The following UCHL5 variants were observed in gnomAD, a reference collection of about 807,000 sequenced individuals.
The protein encoded by UCHL5 is ubiquitin carboxyl-terminal hydrolase isozyme L5.
A neutral mutation model predicts 53.8 loss-of-function variants in UCHL5; 34 were observed. The ratio of observed to expected loss-of-function variants is 0.63; its 90% CI spans 0.48 to 0.84. The LOEUF is 0.84. Among genes scored for constraint, UCHL5 ranks in the 40% least tolerant of loss-of-function variants. The pLI is 0.00. For missense variants in UCHL5, 290 were observed against 385.6 expected (o/e 0.75, Z 2.08); for synonymous variants, 111 against 126.3 (o/e 0.88, Z 0.81).
In UCHL5 at chr1:193,047,546, T is replaced by C. The variant is rs141118734; in HGVS notation, c.246+2200A>G. On this transcript the variant is annotated intron_variant, in intron 3 of 10. Coordinates refer to ENST00000367454, the MANE Select transcript of UCHL5 (RefSeq NM_001199261.3). ...AGAAAAAAGAAAACAAGTTACTTAG[T>C]AGCAAAAGCTTTATCTCAAGGGCAG... 3.2e-3 allele frequency among the ~76,000 whole-genome samples: 482 copies of C among 152,274 alleles called. 1 individual carries two copies. The highest frequency in any genetic ancestry group is 9.1e-3 in the African/African-American group (380 of 41,568).
rs981366613 is a variant in UCHL5, at chr1:193,050,799, T to C, written c.141-948A>G. ...CCTATCTTTTTATTTGATTCAATTT[T>C]ATTTTAGACATGGGGTCTCACTATG... On this transcript the variant is annotated intron_variant, in intron 2 of 10. Coordinates refer to ENST00000367454, the MANE Select transcript of UCHL5 (RefSeq NM_001199261.3). 2.0e-5 allele frequency among the ~76,000 whole-genome samples: 3 copies of C among 152,082 alleles called. No homozygotes were observed. In the East Asian group the frequency reaches 5.8e-4, roughly 29 times the overall value.
intron 3 of UCHL5, 108 bp downstream of exon 3, chr1:193,049,638 G>A: frequency 2.8e-6 from 2 of 725,106 alleles, no homozygotes; most frequent in East Asian, 2.8e-5. Flanking sequence ...ATTTTTAAGA[G>A]TGTAAGAGTT....
chr1:193,028,104 T>C lies in UCHL5; in HGVS notation c.610A>G (p.Ile204Val). The change falls in exon 7 of 11, where the codon ATA becomes GTA. Residue 204 changes from isoleucine (I) to valine (V), a missense_variant. Ile to Val is a conservative substitution (Grantham distance 29, BLOSUM62 3). Transcript: ENST00000367454. ...DDWISAVRPV[I>V]EKRIQKYSEG... ...ATTTACTTTTGTATCCTTTTTTCTA[T>C]GACAGGCCTTACTGCACTGATCCAA... The C allele has an allele frequency of 2.5e-6, 4 of 1,608,828 alleles. No individual in the cohort carries two copies. The highest frequency in any genetic ancestry group is 3.4e-6 in the Non-Finnish European group (4 of 1,178,774).
intron 3 of UCHL5, among the ~76,000 whole-genome samples, chr1:193,031,298 C>T (rs1417149315): frequency 1.3e-5 from 2 of 152,106 alleles, no homozygotes; most frequent in East Asian, 3.8e-4. Context: ...CTTTCAAAAT[C>T]AAGACACCTT....
intron 2 of UCHL5, 42 bp downstream of exon 2, chr1:193,051,712 G>C: frequency 8.4e-7 from 1 of 1,195,750 alleles, no homozygotes; most frequent in African/African-American, 1.6e-5. Flanking sequence ...GTTTGTTAAA[G>C]TATATATATA....
intron 10 of UCHL5, chr1:193,020,432 G>T: frequency 6.5e-7 from 1 of 1,545,070 alleles, no homozygotes; most frequent in Non-Finnish European, 8.7e-7. Context: ...ACTTATTAAA[G>T]AATCCTTCCC....
At position 193,022,916 on chromosome 1, in the gene UCHL5, A is replaced by G; in HGVS notation, c.843+10T>C. The G allele has an allele frequency of 6.3e-7, 1 of 1,584,358 alleles. No homozygotes were observed. Among genetic ancestry groups the G allele is most frequent in the Non-Finnish European group, 8.7e-7 (1 of 1,154,534 alleles). ...TAAAACATTAAAGGAACACATTTTT[A>G]AAAACATACCTTGTATCTTTTTAAT... On this transcript the variant is annotated intron_variant, in intron 9 of 10. Coordinates refer to ENST00000367454, the MANE Select transcript of UCHL5 (RefSeq NM_001199261.3).
intron 1 of UCHL5, among the ~76,000 whole-genome samples, chr1:193,052,557 C>A (rs1440786292): frequency 6.6e-6 from 1 of 152,174 alleles, no homozygotes; most frequent in Non-Finnish European, 1.5e-5. Context: ...TCTGCTCTAG[C>A]GTACAGTAGT....
At chr1:193,029,085 T>C (rs1660408850) in intron 6 of UCHL5, 94 bp downstream of exon 6, 2 of 1,464,680 alleles carry the variant, frequency 1.4e-6, no homozygotes, top group East Asian at 2.3e-5. Context: ...TAGTCACTTT[T>C]ACCTTGAAAA....
At chr1:193,055,567 A>G (rs1453777830) in intron 1 of UCHL5, among the ~76,000 whole-genome samples, 1 of 152,236 alleles carries the variant, frequency 6.6e-6, no homozygotes, top group Admixed American at 6.5e-5. Flanking sequence ...ATTTGCTGGC[A>G]AGCAGGATAA....
At chr1:193,050,868 C>T (rs770963862) in intron 2 of UCHL5, among the ~76,000 whole-genome samples, 3 of 152,216 alleles carry the variant, frequency 2.0e-5, no homozygotes, top group East Asian at 1.9e-4. Flanking sequence ...GCGATCTTCT[C>T]GCCTCAGCCT....
rs1004097451 is a variant in UCHL5, at chr1:193,012,344, TA to T, written c.*4006del. The T allele has an allele frequency of 1.3e-5, 2 of 152,212 alleles. No individual in the cohort carries two copies. Among genetic ancestry groups the T allele is most frequent in the African/African-American group, 4.8e-5 (2 of 41,458 alleles). 9.4% of individuals were successfully genotyped at this position (152,212 alleles called of 1,614,324 possible). A position where few individuals can be genotyped will look rare whatever the true frequency, so the allele number is the denominator to read the frequency against. ...TATTACATAAAATATATGGATAAGCTAAAAAGTAAATAGAGCAGTAGTCCTA... is the reference window on the plus strand; with the variant it reads ...TATTACATAAAATATATGGATAAGCTAAAAGTAAATAGAGCAGTAGTCCTA... On this transcript the variant is annotated 3_prime_UTR_variant, in exon 11 of 11. Transcript: ENST00000367454.
chr1:193,020,350 C>T, intron 10 of UCHL5: 1 of 1,547,760 alleles, frequency 6.5e-7, no homozygotes, highest in East Asian at 2.5e-5. Flanking sequence ...ATTTTATTTG[C>T]CTAGTAGTGT....
At chr1:193,026,089 C>CAA (rs200994694) in intron 7 of UCHL5, among the ~76,000 whole-genome samples, 16 of 64,378 alleles carry the variant, frequency 2.5e-4, no homozygotes, top group Non-Finnish European at 2.9e-4. Flanking sequence ...TATGCATAGG[C>CAA]AAAAAAAAAA....
rs1339497964 is a variant in UCHL5 at position 193,015,023 on chromosome 1, C to G, written c.*1328G>C. On this transcript the variant is annotated 3_prime_UTR_variant, in exon 11 of 11. Coordinates refer to ENST00000367454, the MANE Select transcript of UCHL5 (RefSeq NM_001199261.3). ...TCCATAATTATTACTGTATCAACAG[C>G]AAAACATATTTACCCACAAATAACT... 6.6e-6 allele frequency: 1 copy of G among 152,030 alleles called. No homozygotes were observed. The highest frequency in any genetic ancestry group is 1.5e-5 in the Non-Finnish European group (1 of 67,962). The allele number at this position is 152,030 out of a possible 1,614,324, so 9.4% of individuals were successfully genotyped here.
intron 3 of UCHL5, among the ~76,000 whole-genome samples, chr1:193,043,866 A>G (rs1666521011): frequency 1.3e-5 from 2 of 152,218 alleles, no homozygotes; most frequent in African/African-American, 4.8e-5. Context: ...GACAACTGGA[A>G]GCTCTGCACA....
At chr1:193,024,670 G>T (rs1271211840) in intron 7 of UCHL5, among the ~76,000 whole-genome samples, 1 of 150,752 alleles carries the variant, frequency 6.6e-6, no homozygotes, top group Non-Finnish European at 1.5e-5. Context: ...TCACTACTCT[G>T]ATATCAATGA....
rs190485597 is a variant in UCHL5 at position 193,041,853 on chromosome 1, T to C, written c.246+7893A>G. On this transcript the variant is annotated intron_variant, in intron 3 of 10. Transcript: ENST00000367454. Reference sequence around the variant, plus strand: ...AGTGAAAAAAGTAGGCCAGGCTTAATGGTTCACATCTGTAATCCCAGCACT... The same window carrying C: ...AGTGAAAAAAGTAGGCCAGGCTTAACGGTTCACATCTGTAATCCCAGCACT... Among the ~76,000 whole-genome samples, 55 of 152,328 alleles carry C rather than the reference T, an allele frequency of 3.6e-4. 1 individual carries two copies. In the East Asian group the frequency reaches 0.01, roughly 28 times the overall value.
rs947470533 is a variant in UCHL5, at chr1:193,015,635, C to T, written c.*716G>A. 1 of 151,996 alleles carries T rather than the reference C, an allele frequency of 6.6e-6. No homozygotes were observed. Among genetic ancestry groups the T allele is most frequent in the Non-Finnish European group, 1.5e-5 (1 of 67,932 alleles). The allele number at this position is 151,996 out of a possible 1,614,324, so 9.4% of individuals were successfully genotyped here. ...AAACAATATTCCATTGAGAGTAACA[C>T]CAACATTCTTTAAGATTTACAATTT... On this transcript the variant is annotated 3_prime_UTR_variant, in exon 11 of 11. Coordinates refer to ENST00000367454, the MANE Select transcript of UCHL5 (RefSeq NM_001199261.3).
Sources: gnomAD v4.1 joint callset for allele counts (sites outside exome capture counted in the v4.1 genomes callset) on GRCh38, gnomAD v4.1.1 for gene constraint, MANE v1.5 for transcripts, NCBI Gene and HGNC (gene_info 2026-07-23, HGNC 2026-07-21) for gene names.